The following BCL9 variants were observed in gnomAD, a reference collection of about 807,000 sequenced individuals.
BCL9 encodes B-cell CLL/lymphoma 9 protein.
A neutral mutation model predicts 88.5 loss-of-function variants in BCL9; 25 were observed. That is an observed-to-expected ratio of 0.28 (90% CI 0.21 to 0.39). The LOEUF (loss-of-function observed/expected upper bound fraction) is 0.39. BCL9 is among the 10% of genes least tolerant of loss of function. The pLI is 1.00. For missense variants in BCL9, 1,817 were observed against 1,877.8 expected (o/e 0.97, Z 0.60); for synonymous variants, 711 against 673.3 (o/e 1.06, Z -0.87).
rs587646101 is a variant in BCL9, at chr1:147,557,791, T to C, written c.-478+16117T>C. Among the ~76,000 whole-genome samples, 51 of 152,338 alleles carry C rather than the reference T, an allele frequency of 3.3e-4. No homozygotes were observed. In the South Asian group the frequency reaches 0.01, roughly 31 times the overall value. On this transcript the variant is annotated intron_variant, in intron 1 of 9. Coordinates refer to ENST00000234739, the MANE Select transcript of BCL9 (RefSeq NM_004326.4). Reference sequence around the variant, plus strand: ...AAACTTTCTCATTAATTTTCCACATTGGAAATCTGTAGGCTTCTTCCAATT... The same window carrying C: ...AAACTTTCTCATTAATTTTCCACATCGGAAATCTGTAGGCTTCTTCCAATT...
intron 1 of BCL9, among the ~76,000 whole-genome samples, chr1:147,567,155 A>G (rs1655642401): frequency 6.6e-6 from 1 of 152,214 alleles, no homozygotes; most frequent in Non-Finnish European, 1.5e-5. Flanking sequence ...TAAGAAAAGC[A>G]ACCCCTTCCC....
chr1:147,617,400 T>C (rs1658338687), intron 7 of BCL9, among the ~76,000 whole-genome samples: 1 of 152,136 alleles, frequency 6.6e-6, no homozygotes, highest in South Asian at 2.1e-4. Flanking sequence ...AAACAAAACC[T>C]GACCAACAAA....
intron 7 of BCL9, among the ~76,000 whole-genome samples, chr1:147,617,193 AGT>A (rs1304246021): frequency 1.3e-5 from 2 of 152,232 alleles, no homozygotes; most frequent in African/African-American, 4.8e-5. Flanking sequence ...AATATAGTAC[AGT>A]GTAACTGAAA....
intron 1 of BCL9, among the ~76,000 whole-genome samples, chr1:147,565,426 G>C (rs1655556871): frequency 1.3e-5 from 2 of 152,206 alleles, no homozygotes; most frequent in Non-Finnish European, 2.9e-5. Flanking sequence ...GCCTGAGACA[G>C]AACTTACAAT....
intron 1 of BCL9, among the ~76,000 whole-genome samples, chr1:147,592,975 C>A (rs1009720015): frequency 9.9e-5 from 15 of 152,178 alleles, no homozygotes; most frequent in African/African-American, 3.6e-4. Flanking sequence ...GGTTTCCACC[C>A]TGAAGTGGGT....
rs1368341533 is a variant in BCL9, at chr1:147,624,101, C to T, written c.3423C>T (p.Phe1141=). 3 of 1,604,142 alleles carry T rather than the reference C, an allele frequency of 1.9e-6. No homozygotes were observed. Among genetic ancestry groups the T allele is most frequent in the Non-Finnish European group, 1.7e-6 (2 of 1,173,518 alleles). Reference sequence around the variant, plus strand: ...GACGGATGGGCTTCCCCCAGGGCTTCCCTCCAGTACAGTCTCCCCCACAGC... The same window carrying T: ...GACGGATGGGCTTCCCCCAGGGCTTTCCTCCAGTACAGTCTCCCCCACAGC... ...PQGRMGFPQG[F]PPVQSPPQQV... Residue 1141 remains phenylalanine, a synonymous_variant, in exon 10 of 10, where the codon TTC becomes TTT. Transcript: ENST00000234739. This position sits in a 1 kb window ranked among gnomAD's most constrained non-coding sequence, Gnocchi z 4.4.
chr1:147,581,435 G>A (rs1656364926), intron 1 of BCL9, among the ~76,000 whole-genome samples: 2 of 152,212 alleles, frequency 1.3e-5, no homozygotes, highest in Admixed American at 6.5e-5. Flanking sequence ...CAAGGTGTAA[G>A]TGGCTATGAA....
intron 1 of BCL9, among the ~76,000 whole-genome samples, chr1:147,550,283 A>C (rs1199797315): frequency 6.6e-6 from 1 of 152,156 alleles, no homozygotes; most frequent in Non-Finnish European, 1.5e-5. Flanking sequence ...CGAACCATGG[A>C]AGGGCCATCT....
chr1:147,602,082 G>A (rs1435566286), intron 1 of BCL9, among the ~76,000 whole-genome samples: 1 of 151,874 alleles, frequency 6.6e-6, no homozygotes, highest in Non-Finnish European at 1.5e-5. Flanking sequence ...TGTACTTTTA[G>A]TAGAGATGGG....
rs150675055 is a variant in BCL9 at position 147,619,865 on chromosome 1, C to T, written c.1710C>T (p.Asn570=). 5.6e-6 allele frequency: 9 copies of T among 1,614,166 alleles called. No individual in the cohort carries two copies. The highest frequency in any genetic ancestry group is 2.2e-5 in the South Asian group (2 of 91,082). Residue 570 remains asparagine, a synonymous_variant, in exon 8 of 10, where the codon AAC becomes AAT. Transcript: ENST00000234739. This position sits in a 1 kb window ranked among gnomAD's most constrained non-coding sequence, Gnocchi z 4.1. ...MRLPGFAGMI[N]SEMEGPNVPN... is the part of the protein sequence containing the mutation. The stretch of plus-strand genomic sequence containing the variant: ...TCCCTGGATTTGCAGGCATGATAAA[C>T]TCTGAAATGGAAGGGCCGAATGTCC...
intron 1 of BCL9, among the ~76,000 whole-genome samples, chr1:147,572,840 A>C (rs904355851): frequency 6.6e-6 from 1 of 152,210 alleles, no homozygotes; most frequent in African/African-American, 2.4e-5. Flanking sequence ...TCGGCCTCCC[A>C]GACTGCTGGG....
intron 1 of BCL9, among the ~76,000 whole-genome samples, chr1:147,564,747 G>A (rs1220030584): frequency 6.6e-6 from 1 of 152,106 alleles, no homozygotes; most frequent in Non-Finnish European, 1.5e-5. Context: ...TGCTCTATTT[G>A]TGAATTGCCT....
Position 147,625,664 on chromosome 1 carries a change from A to G in BCL9, c.*705A>G, listed in dbSNP as rs1029489626. 4.7e-5 allele frequency: 11 copies of G among 231,622 alleles called. No individual in the cohort carries two copies. The highest frequency in any genetic ancestry group is 8.6e-5 in the Non-Finnish European group (10 of 116,902). 14.3% of individuals were successfully genotyped at this position (231,622 alleles called of 1,614,324 possible). On this transcript the variant is annotated 3_prime_UTR_variant, in exon 10 of 10. Coordinates refer to ENST00000234739, the MANE Select transcript of BCL9 (RefSeq NM_004326.4). ...TTTTTCAGTTCAAGTGCTCTTCAGC[A>G]CTGTCTTGTCTCCCAATATACCAAC... is the stretch of plus-strand genomic sequence containing the variant.
chr1:147,609,109 T>C (rs1657874121), intron 3 of BCL9, among the ~76,000 whole-genome samples: 1 of 152,170 alleles, frequency 6.6e-6, no homozygotes, highest in Non-Finnish European at 1.5e-5. Context: ...AAACATTGTA[T>C]AAGTAGATCT....
chr1:147,573,771 A>G (rs2101535084), intron 1 of BCL9, among the ~76,000 whole-genome samples: 1 of 152,260 alleles, frequency 6.6e-6, no homozygotes, highest in East Asian at 1.9e-4. Context: ...GAATATTGTT[A>G]TTTTCCAGGA....
In BCL9 at chr1:147,619,013, T is replaced by C; in HGVS notation, c.858T>C (p.Ile286=). The C allele has an allele frequency of 1.9e-6, 3 of 1,610,140 alleles. No homozygotes were observed. The highest frequency in any genetic ancestry group is 1.1e-5 in the South Asian group (1 of 90,530). ...GTCCTGGGGTAGAAAACAAACTGAT[T>C]CCTTCTGTAGGAAGTCCTGCCAGCT... The part of the protein sequence containing the change: ...RESPGVENKL[I]PSVGSPASST... Residue 286 remains isoleucine, a synonymous_variant, in exon 8 of 10, where the codon ATT becomes ATC. Coordinates refer to ENST00000234739, the MANE Select transcript of BCL9 (RefSeq NM_004326.4). This position sits in a 1 kb window ranked among gnomAD's most constrained non-coding sequence, Gnocchi z 4.1.
intron 1 of BCL9, among the ~76,000 whole-genome samples, chr1:147,557,075 A>G (rs1553195541): frequency 6.6e-6 from 1 of 152,244 alleles, no homozygotes; most frequent in East Asian, 1.9e-4. Context: ...ACAGAGACAG[A>G]TCTAGCAAAT....
rs190847118 is a variant in BCL9, at chr1:147,624,477, G to A, written c.3799G>A (p.Gly1267Arg). The change falls in exon 10 of 10, where the codon GGA (glycine) becomes AGA (arginine). Residue 1267 changes from glycine to arginine, a missense_variant. Around this residue, in one of 2 missense-constraint regions of BCL9, gnomAD observed 589 missense variants for 686.2 expected, o/e 0.86. Transcript: ENST00000234739. The surrounding 1 kb of genome is among the most constrained non-coding windows in gnomAD (Gnocchi z 4.4). Reference sequence around the variant, plus strand: ...AGGCCGTAAACAGCCCCAGGGTCCTGGACCTGGGTTTTCACACATGCAGGG... The same window carrying A: ...AGGCCGTAAACAGCCCCAGGGTCCTAGACCTGGGTTTTCACACATGCAGGG... ...VPGRKQPQGP[G>R]PGFSHMQGMM... is the part of the protein sequence containing the mutation. 2 of 1,614,230 alleles carry A rather than the reference G, an allele frequency of 1.2e-6. No individual in the cohort carries two copies. The highest frequency in any genetic ancestry group is 1.3e-5 in the African/African-American group (1 of 75,070).
Position 147,618,816 on chromosome 1 carries a change from A to T in BCL9, c.661A>T (p.Asn221Tyr). The T allele has an allele frequency of 1.3e-6, 2 of 1,532,636 alleles. No homozygotes were observed. Among genetic ancestry groups the T allele is most frequent in the Non-Finnish European group, 1.8e-6 (2 of 1,142,230 alleles). 94.9% of individuals were successfully genotyped at this position (1,532,636 alleles called of 1,614,324 possible). A position where few individuals can be genotyped will look rare whatever the true frequency, so the allele number is the denominator to read the frequency against. Residue 221 changes from asparagine to tyrosine, a missense_variant and splice_region_variant, in exon 8 of 10, where the codon AAC (asparagine) becomes TAC (tyrosine). Transcript: ENST00000234739. ...TTTTAAACTATTTGTTTGTCTTCAGAACACACAGATATCTGCCCTTCGGAA... is the reference window on the plus strand; with the variant it reads ...TTTTAAACTATTTGTTTGTCTTCAGTACACACAGATATCTGCCCTTCGGAA... ...NKTERSTAPL[N>Y]TQISALRNDP... is the part of the protein sequence containing the mutation.
Sources: allele counts gnomAD v4.1 joint callset (sites outside exome capture counted in the v4.1 genomes callset), GRCh38; gene constraint gnomAD v4.1.1; regional missense constraint gnomAD v4.1.1; non-coding constraint Gnocchi (gnomAD v3.1); transcripts MANE v1.5; gene names NCBI Gene and HGNC (gene_info 2026-07-23, HGNC 2026-07-21).